Variants in C13orf42 observed in about 807,000 individuals in gnomAD.
The protein encoded by C13orf42 is chromosome 13 open reading frame 42.
chr13:51,085,269 C>T (rs190330007), intron 3 of C13orf42, 50 bp downstream of exon 3: 203 of 396,274 alleles, frequency 5.1e-4, no homozygotes, highest in African/African-American at 3.9e-3. Flanking sequence ...CCCCAAGCGT[C>T]TGGAGGCCAC....
rs149873573 is a variant in C13orf42, at chr13:51,151,657, G to A, written n.136+20596C>T. Among the ~76,000 whole-genome samples the A allele has an allele frequency of 3.7e-4, 56 of 152,342 alleles. 1 individual carries two copies. The East Asian group carries it at 7.9e-3, about 22-fold the overall frequency. On this transcript the variant is annotated intron_variant and non_coding_transcript_variant, in intron 1 of 4. Coordinates refer to the C13orf42 transcript ENST00000433280. The stretch of plus-strand genomic sequence containing the variant: ...CCAGAGACACATAGTCCAGTAGGGA[G>A]AGAAAATTCTGCACATGCAGGTAAA...
chr13:51,095,370 A>G (rs1031997200), intron 1 of C13orf42, among the ~76,000 whole-genome samples: 1 of 152,046 alleles, frequency 6.6e-6, no homozygotes, highest in African/African-American at 2.4e-5. Context: ...GTGGTTTAGT[A>G]TATGTCATTA....
chr13:51,103,669 C>T (rs1245919423), intron 1 of C13orf42, among the ~76,000 whole-genome samples: 5 of 151,198 alleles, frequency 3.3e-5, no homozygotes, highest in African/African-American at 7.4e-5. Flanking sequence ...CCACTGCATA[C>T]CAGCGCGGGC....
At position 51,137,039 on chromosome 13, in the gene C13orf42, C is replaced by G. The variant is rs551776600; in HGVS notation, n.137-23817G>C. 3.1e-4 allele frequency among the ~76,000 whole-genome samples: 47 copies of G among 152,250 alleles called. No individual in the cohort carries two copies. In the South Asian group the frequency reaches 9.3e-3, roughly 30 times the overall value. ...AATGGGAGTAGCAAAAGTCAAGTAC[C>G]TGGCCCCATAAGGAAGAGGAGCTGT... On this transcript the variant is annotated intron_variant and non_coding_transcript_variant, in intron 1 of 4. Transcript: ENST00000433280.
intron 1 of C13orf42, among the ~76,000 whole-genome samples, chr13:51,109,030 C>G (rs867410025): frequency 3.3e-5 from 5 of 152,184 alleles, no homozygotes; most frequent in Non-Finnish European, 7.3e-5. Flanking sequence ...GCCTACTACC[C>G]CAGAATATCC....
chr13:51,097,064 C>T (rs958463566), intron 1 of C13orf42, among the ~76,000 whole-genome samples: 18 of 152,336 alleles, frequency 1.2e-4, no homozygotes, highest in African/African-American at 3.6e-4. Flanking sequence ...CTTCACTCAA[C>T]GTATCCTGAG....
chr13:51,100,239 A>G (rs1353042243), intron 1 of C13orf42, among the ~76,000 whole-genome samples: 1 of 152,210 alleles, frequency 6.6e-6, no homozygotes, highest in Non-Finnish European at 1.5e-5. Context: ...ACCTTGGAAC[A>G]TGGAAGGACT....
At chr13:51,130,360 T>C (rs1273266892) in intron 1 of C13orf42, among the ~76,000 whole-genome samples, 1 of 152,194 alleles carries the variant, frequency 6.6e-6, no homozygotes. Context: ...GCCCCCTATC[T>C]ATGCAAAGAA....
intron 1 of C13orf42, among the ~76,000 whole-genome samples, chr13:51,131,925 T>A (rs892513655): frequency 6.6e-6 from 1 of 152,194 alleles, no homozygotes; most frequent in Non-Finnish European, 1.5e-5. Context: ...CAACCAGTGA[T>A]CTCTGGCTGC....
At position 51,093,502 on chromosome 13, in the gene C13orf42, C is replaced by T. The variant is rs117598616; in HGVS notation, c.415-5427G>A. On this transcript the variant is annotated intron_variant, in intron 1 of 3. Transcript: ENST00000563710. ...ATTATTAAATTTAAATTTAAATAGCCATATGTGACTGGTGGCTACTGAATT... is the reference window on the plus strand; with the variant it reads ...ATTATTAAATTTAAATTTAAATAGCTATATGTGACTGGTGGCTACTGAATT... Among the ~76,000 whole-genome samples the T allele has an allele frequency of 6.2e-3, 941 of 152,218 alleles. 9 individuals carry two copies. Among genetic ancestry groups the T allele is most frequent in the Admixed American group, 0.014 (209 of 15,290 alleles).
At chr13:51,168,977 T>C (rs1953923830) in intron 1 of C13orf42, among the ~76,000 whole-genome samples, 1 of 152,210 alleles carries the variant, frequency 6.6e-6, no homozygotes, top group East Asian at 1.9e-4. Flanking sequence ...CTGTACAGCC[T>C]GTGGAACTGT....
chr13:51,134,597 A>C (rs999288245), intron 1 of C13orf42, among the ~76,000 whole-genome samples: 1 of 152,226 alleles, frequency 6.6e-6, no homozygotes, highest in African/African-American at 2.4e-5. Flanking sequence ...ACAAACAAGC[A>C]AGGCAGGAAA....
chr13:51,110,983 G>A lies in C13orf42; in HGVS notation c.227C>T (p.Ala76Val). Residue 76 changes from alanine (A) to valine (V), a missense_variant, in exon 1 of 4, where the codon GCG (alanine) becomes GTG (valine). By Grantham distance (64) the Ala-to-Val change is moderately conservative. Coordinates refer to ENST00000563710, the MANE Select transcript of C13orf42 (RefSeq NM_001351589.3). ...GTCCTGGGTGCGCGAATACATCCAC[G>A]CCCGGTCCTCCTCCTGCCGCAGGTA... ...LYYLRQEEDR[A>V]WMYSRTQDCL... 4 of 398,636 alleles carry A rather than the reference G, an allele frequency of 1.0e-5. No individual in the cohort carries two copies. The highest frequency in any genetic ancestry group is 3.6e-5 in the East Asian group (1 of 28,066). 24.7% of individuals were successfully genotyped at this position (398,636 alleles called of 1,614,324 possible).
intron 1 of C13orf42, among the ~76,000 whole-genome samples, chr13:51,122,465 C>T (rs554025799): frequency 1.8e-4 from 27 of 148,864 alleles, no homozygotes; most frequent in African/African-American, 5.0e-4. Flanking sequence ...ACTCAGGAGG[C>T]GGAGGTTGCA....
At chr13:51,137,473 G>A (rs1446840257) in intron 1 of C13orf42, among the ~76,000 whole-genome samples, 2 of 152,086 alleles carry the variant, frequency 1.3e-5, no homozygotes, top group Non-Finnish European at 2.9e-5. Context: ...CCTCCCTGAA[G>A]GGGCTGTTGG....
intron 1 of C13orf42, among the ~76,000 whole-genome samples, chr13:51,129,448 A>G (rs1050483270): frequency 3.9e-5 from 6 of 152,098 alleles, no homozygotes; most frequent in Non-Finnish European, 5.9e-5. Flanking sequence ...ATGGCTGGAA[A>G]AGATCCCTTC....
chr13:51,152,809 C>T (rs1283168933), intron 1 of C13orf42, among the ~76,000 whole-genome samples: 3 of 152,160 alleles, frequency 2.0e-5, no homozygotes, highest in Admixed American at 2.0e-4. Flanking sequence ...CCTGGGAAAT[C>T]CACAGATAAC....
intron 1 of C13orf42, among the ~76,000 whole-genome samples, chr13:51,137,646 C>T (rs1413416429): frequency 6.6e-6 from 1 of 152,190 alleles, no homozygotes. Context: ...CTTTCCTCCC[C>T]TTTTTCCTTC....
chr13:51,157,351 C>T (rs1387452300), intron 1 of C13orf42, among the ~76,000 whole-genome samples: 1 of 152,184 alleles, frequency 6.6e-6, no homozygotes, highest in African/African-American at 2.4e-5. Context: ...GAAGAATCAC[C>T]TGAACCCAGG....
Sources: allele counts gnomAD v4.1 joint callset (sites outside exome capture counted in the v4.1 genomes callset), GRCh38; gene constraint gnomAD v4.1.1; transcripts MANE v1.5; gene names NCBI Gene and HGNC (gene_info 2026-07-23, HGNC 2026-07-21).